The following SREBF2 variants were observed in gnomAD, a reference collection of about 807,000 sequenced individuals.
SREBF2 encodes sterol regulatory element-binding protein 2.
In SREBF2, 55 loss-of-function variants were observed where a neutral mutation model predicts 113.1. The ratio of observed to expected loss-of-function variants is 0.49; its 90% CI spans 0.39 to 0.61. The LOEUF (loss-of-function observed/expected upper bound fraction) is 0.61. Among genes scored for constraint, SREBF2 ranks in the 20% least tolerant of loss-of-function variants. The probability of loss-of-function intolerance (pLI) is 0.00; values close to 1 mark genes in which losing one functional copy is unlikely to be tolerated. For missense variants in SREBF2, 1,349 were observed against 1,487.4 expected (o/e 0.91, Z 1.53); for synonymous variants, 593 against 605.7 (o/e 0.98, Z 0.31).
chr22:41,855,894 T>TAC (rs1428046683), intron 1 of SREBF2, among the ~76,000 whole-genome samples: 1 of 151,928 alleles, frequency 6.6e-6, no homozygotes, highest in Admixed American at 6.6e-5. Context: ...TAGCTGGGAC[T>TAC]ACAGGCATGT....
intron 1 of SREBF2, among the ~76,000 whole-genome samples, chr22:41,850,437 G>A (rs1244847978): frequency 4.0e-5 from 6 of 148,984 alleles, no homozygotes; most frequent in Admixed American, 2.0e-4. Context: ...GCAACAGAGC[G>A]AGACTCCATC....
intron 4 of SREBF2, among the ~76,000 whole-genome samples, chr22:41,871,707 C>G (rs886902129): frequency 3.3e-5 from 5 of 151,720 alleles, no homozygotes; most frequent in African/African-American, 1.2e-4. Flanking sequence ...GCCTGGCCAA[C>G]ACGGTGAAAC....
chr22:41,873,849 G>C lies in SREBF2; in HGVS notation c.919G>C (p.Gly307Arg). ...TCTGACCACAATGCCTGTAATGATG[G>C]GGCAAGAGAAAGTGCCCATTAAGCA... The part of the protein sequence containing the change: ...TILTTMPVMM[G>R]QEKVPIKQVP... Residue 307 changes from glycine to arginine, a missense_variant, in exon 5 of 19, where the codon GGG (glycine) becomes CGG (arginine). Gly to Arg is a moderately radical substitution (Grantham distance 125). Around this residue, in one of 2 missense-constraint regions of SREBF2, gnomAD observed 699 missense variants for 843.3 expected, o/e 0.83. Transcript: ENST00000361204. The C allele has an allele frequency of 6.2e-7, 1 of 1,613,088 alleles. No individual in the cohort carries two copies. Among genetic ancestry groups the C allele is most frequent in the African/African-American group, 1.3e-5 (1 of 75,024 alleles).
At chr22:41,873,683 C>A in intron 4 of SREBF2, 115 bp from the exon 5 acceptor site, 2 of 1,038,440 alleles carry the variant, frequency 1.9e-6, no homozygotes, top group Non-Finnish European at 2.9e-6. Context: ...TCTCAGACCT[C>A]ATGAAGTACT....
At chr22:41,846,922 A>T (rs2076881965) in intron 1 of SREBF2, among the ~76,000 whole-genome samples, 1 of 151,942 alleles carries the variant, frequency 6.6e-6, no homozygotes, top group Admixed American at 6.6e-5. Flanking sequence ...AGCATGGGAG[A>T]TGGGAAGAAA....
chr22:41,893,365 G>A (rs1289412242), intron 12 of SREBF2, 80 bp downstream of exon 12: 4 of 1,454,628 alleles, frequency 2.7e-6, no homozygotes, highest in Middle Eastern at 1.8e-4. Context: ...CACCAGACAC[G>A]CGGAGACACG....
intron 1 of SREBF2, among the ~76,000 whole-genome samples, chr22:41,836,629 C>G (rs1276051163): frequency 1.3e-5 from 2 of 152,220 alleles, no homozygotes. Flanking sequence ...GTGCCTGGCA[C>G]AGTGAGAGTG....
chr22:41,857,802 A>AT (rs1019171448), intron 1 of SREBF2, among the ~76,000 whole-genome samples: 21 of 152,224 alleles, frequency 1.4e-4, no homozygotes, highest in African/African-American at 4.3e-4. Flanking sequence ...GAGTGGAGTG[A>AT]TTTTTAGATA....
intron 1 of SREBF2, among the ~76,000 whole-genome samples, chr22:41,857,212 C>G (rs937916436): frequency 6.6e-6 from 1 of 152,044 alleles, no homozygotes; most frequent in African/African-American, 2.4e-5. Context: ...ATCCATGATG[C>G]TAAGGAAGGA....
chr22:41,870,771 A>T, intron 3 of SREBF2, 118 bp from the exon 4 acceptor site: 1 of 1,410,676 alleles, frequency 7.1e-7, no homozygotes, highest in South Asian at 1.2e-5. Context: ...TTTATTCTCA[A>T]TTTCATAAAA....
intron 15 of SREBF2, chr22:41,899,232 T>TA (rs1466682285): frequency 3.3e-5 from 36 of 1,080,684 alleles, no homozygotes; most frequent in Middle Eastern, 4.4e-4. Context: ...CCACTTTCCT[T>TA]CCAGCCACCT....
intron 1 of SREBF2, among the ~76,000 whole-genome samples, chr22:41,857,685 TC>T (rs1272728846): frequency 6.6e-6 from 1 of 152,160 alleles, no homozygotes; most frequent in Non-Finnish European, 1.5e-5. Flanking sequence ...CAGCTTGCCA[TC>T]CTGTGTCATT....
intron 14 of SREBF2, 39 bp downstream of exon 14, chr22:41,897,200 A>G: frequency 7.0e-7 from 1 of 1,435,456 alleles, no homozygotes; most frequent in East Asian, 2.3e-5. Flanking sequence ...CAGGGTGCTC[A>G]GTTCAGGTCT....
At chr22:41,878,769 G>A (rs1305117145) in intron 9 of SREBF2, 1 of 1,300,440 alleles carries the variant, frequency 7.7e-7, no homozygotes, top group African/African-American at 1.5e-5. Context: ...GTGAGCCATG[G>A]GCCTGCCCTC....
chr22:41,897,091 T>C lies in SREBF2; in HGVS notation c.2535T>C (p.His845=), dbSNP rs1383556874. ...SSALEYLKLL[H]SFVDSVGVMS... is the part of the protein sequence containing the mutation. ...CTCTGGAGTACTTGAAATTACTTCATTCTTTTGTGGACTCTGTGGGGGTTA... is the reference window on the plus strand; with the variant it reads ...CTCTGGAGTACTTGAAATTACTTCACTCTTTTGTGGACTCTGTGGGGGTTA... The change falls in exon 14 of 19, where the codon CAT becomes CAC. Residue 845 remains histidine (H), a synonymous_variant. Coordinates refer to ENST00000361204, the MANE Select transcript of SREBF2 (RefSeq NM_004599.4). 4 of 1,613,180 alleles carry C rather than the reference T, an allele frequency of 2.5e-6. No homozygotes were observed. In the Admixed American group the frequency reaches 6.7e-5, roughly 27 times the overall value.
At chr22:41,874,689 C>T (rs569170109) in intron 5 of SREBF2, among the ~76,000 whole-genome samples, 9 of 152,204 alleles carry the variant, frequency 5.9e-5, no homozygotes, top group South Asian at 2.1e-4. Context: ...GGGTGGATCA[C>T]GAGGCCAGGA....
intron 12 of SREBF2, among the ~76,000 whole-genome samples, chr22:41,894,022 T>G (rs961714550): frequency 3.1e-4 from 47 of 152,290 alleles, no homozygotes; most frequent in Middle Eastern, 6.8e-3. Flanking sequence ...AATAACTGTA[T>G]TGCTCAACGT....
intron 1 of SREBF2, among the ~76,000 whole-genome samples, chr22:41,851,978 G>A (rs553440407): frequency 7.7e-4 from 117 of 152,106 alleles, no homozygotes; most frequent in Admixed American, 9.2e-4. Context: ...AAAATTAGCC[G>A]GGCATGGTAG....
chr22:41,851,037 G>A (rs1234690398), intron 1 of SREBF2, among the ~76,000 whole-genome samples: 2 of 152,042 alleles, frequency 1.3e-5, no homozygotes, highest in African/African-American at 2.4e-5. Flanking sequence ...CACCAAGCCC[G>A]GCCAGTTTCC....
Sources: gnomAD v4.1 joint callset for allele counts (sites outside exome capture counted in the v4.1 genomes callset) on GRCh38, gnomAD v4.1.1 for gene constraint, gnomAD v4.1.1 regional missense constraint, MANE v1.5 for transcripts, NCBI Gene and HGNC (gene_info 2026-07-23, HGNC 2026-07-21) for gene names.